Variants in CYP4X1 observed in about 807,000 individuals in gnomAD.
CYP4X1 encodes the protein cytochrome P450 4X1.
Under a neutral mutation model 57.9 loss-of-function variants are expected in CYP4X1, and 44 were observed. That is an observed-to-expected ratio of 0.76 (90% CI 0.60 to 0.98). The LOEUF is 0.98. Ranked by LOEUF, CYP4X1 falls within the 50% of genes least tolerant of loss-of-function variation. The pLI is 0.00. For missense variants in CYP4X1, 532 were observed against 623.9 expected (o/e 0.85, Z 1.57); for synonymous variants, 227 against 228.6 (o/e 0.99, Z 0.06).
chr1:47,050,306 G>A lies in CYP4X1; in HGVS notation c.*132G>A. On this transcript the variant is annotated 3_prime_UTR_variant, in exon 12 of 12. Coordinates refer to ENST00000371901, the MANE Select transcript of CYP4X1 (RefSeq NM_178033.2). Reference sequence around the variant, plus strand: ...TTGGTGGGATAGGGGTCTCTGTGAAGAGATCCAAAATCATTTCTAGGTACA... The same window carrying A: ...TTGGTGGGATAGGGGTCTCTGTGAAAAGATCCAAAATCATTTCTAGGTACA... 2.1e-6 allele frequency: 2 copies of A among 935,492 alleles called. No homozygotes were observed. Among genetic ancestry groups the A allele is most frequent in the South Asian group, 3.3e-5 (2 of 60,314 alleles). The allele number at this position is 935,492 out of a possible 1,614,324, so 57.9% of individuals were successfully genotyped here.
At chr1:47,008,079 A>C in the CYP4X1 span, among the ~76,000 whole-genome samples, 3 of 152,202 alleles carry the variant, frequency 2.0e-5, no homozygotes, top group African/African-American at 7.2e-5. Flanking sequence ...AGAATGCCAC[A>C]AAGATACTCC....
At position 47,048,754 on chromosome 1, in the gene CYP4X1, A is replaced by G. The variant is rs576580810; in HGVS notation, c.1272+125A>G. The G allele has an allele frequency of 9.3e-4, 861 of 929,626 alleles. 2 individuals are homozygous for G. The highest frequency in any genetic ancestry group is 1.3e-3 in the Non-Finnish European group (778 of 611,860). The allele number at this position is 929,626 out of a possible 1,614,324, so 57.6% of individuals were successfully genotyped here. On this transcript the variant is annotated intron_variant, in intron 10 of 11. Transcript: ENST00000371901. ...TGACACAAATTAAACAAAAATAAAC[A>G]TAAAAGCCAAAAGAAATGTAAAACT...
the CYP4X1 span, chr1:46,967,840 T>C: frequency 1.3e-5 from 17 of 1,261,980 alleles, no homozygotes; most frequent in Non-Finnish European, 1.7e-5. Flanking sequence ...CTTTAGCTCA[T>C]TCATGGCAAA....
the CYP4X1 span, among the ~76,000 whole-genome samples, chr1:46,984,255 G>A: frequency 6.6e-6 from 1 of 151,948 alleles, no homozygotes; most frequent in Non-Finnish European, 1.5e-5. Context: ...AATCCCCAGT[G>A]AGCAGTTGTC....
chr1:47,050,069 C>T lies in CYP4X1; in HGVS notation c.1425C>T (p.Phe475=). 1.2e-6 allele frequency: 2 copies of T among 1,614,068 alleles called. No individual in the cohort carries two copies. The highest frequency in any genetic ancestry group is 1.7e-6 in the Non-Finnish European group (2 of 1,180,010). ...CCATTGCCTTGATTCTGCTCCACTT[C>T]AGAGTGACTCCAGACCCCACCAGGC... ...KVTIALILLH[F]RVTPDPTRPL... is the part of the protein sequence containing the mutation. Residue 475 remains phenylalanine (F), a synonymous_variant, in exon 12 of 12, where the codon TTC becomes TTT. Transcript: ENST00000371901.
the CYP4X1 span, among the ~76,000 whole-genome samples, chr1:47,009,766 G>C: frequency 6.6e-6 from 1 of 152,202 alleles, no homozygotes; most frequent in East Asian, 1.9e-4. Flanking sequence ...ACTACCATCA[G>C]GGAATACTAT....
At chr1:47,000,605 G>A in the CYP4X1 span, among the ~76,000 whole-genome samples, 6 of 152,062 alleles carry the variant, frequency 3.9e-5, no homozygotes, top group South Asian at 4.1e-4. Flanking sequence ...AAACCTCTAC[G>A]GATACAGACA....
intron 8 of CYP4X1, among the ~76,000 whole-genome samples, chr1:47,044,252 T>G (rs1462084191): frequency 3.9e-5 from 6 of 152,216 alleles, no homozygotes; most frequent in African/African-American, 1.4e-4. Context: ...CTTTTGTTGC[T>G]CTACTATAGG....
chr1:46,995,227 A>G, the CYP4X1 span, among the ~76,000 whole-genome samples: 1 of 152,158 alleles, frequency 6.6e-6, no homozygotes, highest in South Asian at 2.1e-4. Flanking sequence ...TCTTTATGCT[A>G]CGTACCTAAT....
the CYP4X1 span, among the ~76,000 whole-genome samples, chr1:46,980,191 C>T: frequency 6.6e-6 from 1 of 152,200 alleles, no homozygotes. Flanking sequence ...CAAATTGTCC[C>T]TGTTTGCAGT....
chr1:46,986,621 G>C, the CYP4X1 span, among the ~76,000 whole-genome samples: 1 of 152,078 alleles, frequency 6.6e-6, no homozygotes, highest in African/African-American at 2.4e-5. Flanking sequence ...AAAATGTTAA[G>C]GGCAGCTAGA....
the CYP4X1 span, among the ~76,000 whole-genome samples, chr1:46,963,010 C>A: frequency 6.6e-6 from 1 of 152,216 alleles, no homozygotes; most frequent in Non-Finnish European, 1.5e-5. Context: ...TATATAATGG[C>A]CTTCTTTGTC....
the CYP4X1 span, chr1:46,961,529 G>A: frequency 4.2e-6 from 5 of 1,200,202 alleles, no homozygotes; most frequent in Non-Finnish European, 5.3e-6. Flanking sequence ...TGTAGCCACA[G>A]GGGTGAGGTG....
chr1:46,980,444 A>G, the CYP4X1 span, among the ~76,000 whole-genome samples: 1 of 152,206 alleles, frequency 6.6e-6, no homozygotes, highest in Non-Finnish European at 1.5e-5. Flanking sequence ...CTCTTCAAGG[A>G]GAACTACAAA....
intron 1 of CYP4X1, among the ~76,000 whole-genome samples, chr1:47,025,436 A>G (rs1644052262): frequency 6.6e-6 from 1 of 152,216 alleles, no homozygotes; most frequent in Non-Finnish European, 1.5e-5. Context: ...ATGTACTAAG[A>G]CAACATCCAC....
chr1:46,994,801 A>G, the CYP4X1 span, among the ~76,000 whole-genome samples: 5 of 152,234 alleles, frequency 3.3e-5, no homozygotes, highest in African/African-American at 1.2e-4. Flanking sequence ...GCCAGGCAGT[A>G]TGCCAGATGG....
chr1:46,964,897 C>T, the CYP4X1 span, among the ~76,000 whole-genome samples: 1,288 of 152,292 alleles, frequency 8.5e-3, 15 homozygotes, highest in South Asian at 0.045. Context: ...CCAGTTCGAG[C>T]TTCCCGGCCG....
chr1:47,037,892 T>G (rs1644202631), intron 6 of CYP4X1, among the ~76,000 whole-genome samples: 1 of 152,216 alleles, frequency 6.6e-6, no homozygotes, highest in African/African-American at 2.4e-5. Flanking sequence ...GTTTATCCAG[T>G]TGTCCCATCA....
upstream of CYP4X1, among the ~76,000 whole-genome samples, chr1:47,020,081 G>A (rs1502910): frequency 0.12 from 17,724 of 152,126 alleles, 1,255 homozygotes; most frequent in East Asian, 0.31. Flanking sequence ...TCACCCTATA[G>A]GTGGTCTTAG....
Sources: gnomAD v4.1 joint callset for allele counts (sites outside exome capture counted in the v4.1 genomes callset) on GRCh38, gnomAD v4.1.1 for gene constraint, MANE v1.5 for transcripts, NCBI Gene and HGNC (gene_info 2026-07-23, HGNC 2026-07-21) for gene names.